Variants in MSI2 observed in about 807,000 individuals in gnomAD.
The protein encoded by MSI2 is RNA-binding protein Musashi homolog 2.
MSI2 carries 17 observed loss-of-function variants against 45.6 expected under a neutral mutation model. The observed-to-expected ratio is 0.37, with a 90% confidence interval of 0.26 to 0.56. The LOEUF is 0.56. Ranked by LOEUF, MSI2 falls within the 20% of genes least tolerant of loss-of-function variation. The pLI is 0.77. For missense variants in MSI2, 293 were observed against 444.2 expected (o/e 0.66, Z 3.06); for synonymous variants, 156 against 158.2 (o/e 0.99, Z 0.11).
At chr17:57,548,179 G>C (rs965743302) in intron 7 of MSI2, among the ~76,000 whole-genome samples, 2 of 152,138 alleles carry the variant, frequency 1.3e-5, no homozygotes, top group African/African-American at 2.4e-5. Flanking sequence ...GGGGTCCAAA[G>C]CCCTGACCAC....
At chr17:57,353,143 G>A (rs1437315242) in intron 5 of MSI2, among the ~76,000 whole-genome samples, 1 of 152,128 alleles carries the variant, frequency 6.6e-6, no homozygotes, top group East Asian at 1.9e-4. Flanking sequence ...CCGAAAATGC[G>A]CTCTCCTCCA....
intron 5 of MSI2, among the ~76,000 whole-genome samples, chr17:57,306,775 C>T (rs1049409334): frequency 2.6e-5 from 4 of 152,040 alleles, no homozygotes; most frequent in African/African-American, 4.8e-5. Flanking sequence ...GTTGGAGTTT[C>T]GCTCTTGTCG....
chr17:57,432,902 C>T (rs1374571235), intron 6 of MSI2, among the ~76,000 whole-genome samples: 12 of 152,316 alleles, frequency 7.9e-5, no homozygotes, highest in Admixed American at 6.5e-4. Flanking sequence ...TTCCTTGTCA[C>T]GGTCCCTCTT....
chr17:57,363,739 AAAC>A (rs58086799), intron 5 of MSI2, among the ~76,000 whole-genome samples: 128,084 of 151,740 alleles, frequency 0.84, 54,147 homozygotes, highest in Middle Eastern at 0.9. Context: ...ATTCTGTCTG[AAAC>A]AACAACAGCA....
chr17:57,494,476 A>G (rs1426427961), intron 6 of MSI2, among the ~76,000 whole-genome samples: 1 of 152,036 alleles, frequency 6.6e-6, no homozygotes, highest in South Asian at 2.1e-4. Flanking sequence ...GAAGAGGGGT[A>G]TATTGTGGGG....
chr17:57,695,733 C>T, the MSI2 span, among the ~76,000 whole-genome samples: 1 of 152,084 alleles, frequency 6.6e-6, no homozygotes, highest in Non-Finnish European at 1.5e-5. Flanking sequence ...GTTGCCATAA[C>T]AAAATACCAT....
chr17:57,313,007 C>T (rs1410100356), intron 5 of MSI2, among the ~76,000 whole-genome samples: 3 of 152,006 alleles, frequency 2.0e-5, no homozygotes, highest in African/African-American at 4.8e-5. Context: ...CCACCATGCC[C>T]GGCTAATTTT....
intron 9 of MSI2, among the ~76,000 whole-genome samples, chr17:57,624,399 A>C (rs1029422069): frequency 6.6e-6 from 1 of 152,170 alleles, no homozygotes; most frequent in African/African-American, 2.4e-5. Flanking sequence ...CAGGTGATTA[A>C]TTTGGAGGAG....
intron 6 of MSI2, among the ~76,000 whole-genome samples, chr17:57,408,310 C>T (rs541947581): frequency 6.6e-6 from 1 of 152,294 alleles, no homozygotes; most frequent in East Asian, 1.9e-4. Context: ...TATTATTGCT[C>T]GTTAACAGTG....
At chr17:57,543,370 T>A (rs2087094681) in intron 7 of MSI2, among the ~76,000 whole-genome samples, 3 of 152,226 alleles carry the variant, frequency 2.0e-5, no homozygotes, top group Admixed American at 2.0e-4. Context: ...AAAACATCAG[T>A]CCTGCCTGTA....
chr17:57,678,790 C>G (rs1473485758), intron 13 of MSI2, among the ~76,000 whole-genome samples: 1 of 152,184 alleles, frequency 6.6e-6, no homozygotes, highest in Non-Finnish European at 1.5e-5. Flanking sequence ...CAACTCACCC[C>G]CTTCCAAAAT....
chr17:57,591,462 C>T (rs994764956), intron 7 of MSI2, among the ~76,000 whole-genome samples: 2 of 152,106 alleles, frequency 1.3e-5, no homozygotes, highest in Non-Finnish European at 2.9e-5. Context: ...GTGGCTCATG[C>T]CTGTAATCCC....
chr17:57,378,408 C>T (rs182655525), intron 5 of MSI2, among the ~76,000 whole-genome samples: 89 of 152,088 alleles, frequency 5.9e-4, no homozygotes, highest in African/African-American at 2.0e-3. Context: ...GGATTACAGG[C>T]GAACGCCACC....
intron 10 of MSI2, chr17:57,631,104 T>G (rs1020643739): frequency 6.6e-6 from 1 of 152,448 alleles, no homozygotes. Context: ...ATGCCCACTT[T>G]ACCCACTTCC....
chr17:57,460,623 G>C (rs2085208144), intron 6 of MSI2, among the ~76,000 whole-genome samples: 3 of 152,134 alleles, frequency 2.0e-5, no homozygotes, highest in Admixed American at 1.3e-4. Flanking sequence ...TGTGTGTTTG[G>C]AGAACTACAG....
intron 11 of MSI2, among the ~76,000 whole-genome samples, chr17:57,665,549 A>G (rs1391648237): frequency 6.6e-6 from 1 of 152,198 alleles, no homozygotes; most frequent in Non-Finnish European, 1.5e-5. Context: ...TCAAGTGGAA[A>G]GTCTTTTGTG....
At chr17:57,365,691 G>T (rs745327907) in intron 5 of MSI2, among the ~76,000 whole-genome samples, 12 of 152,160 alleles carry the variant, frequency 7.9e-5, no homozygotes, top group Non-Finnish European at 1.0e-4. Flanking sequence ...AAGGCCATGT[G>T]GGGGAGGAGA....
At chr17:57,525,282 A>C (rs1283483277) in intron 6 of MSI2, among the ~76,000 whole-genome samples, 1 of 149,968 alleles carries the variant, frequency 6.7e-6, no homozygotes, top group South Asian at 2.1e-4. Flanking sequence ...TGGGGGGGGC[A>C]GGTGGGGGAG....
the MSI2 span, among the ~76,000 whole-genome samples, chr17:57,697,434 A>G: frequency 6.6e-6 from 1 of 151,864 alleles, no homozygotes. Context: ...CCTCACTCGC[A>G]GACACTCGCT....
Sources: gnomAD v4.1 joint callset for allele counts (sites outside exome capture counted in the v4.1 genomes callset) on GRCh38, gnomAD v4.1.1 for gene constraint, MANE v1.5 for transcripts, NCBI Gene and HGNC (gene_info 2026-07-23, HGNC 2026-07-21) for gene names.